KHDRBS2: variants seen among roughly 807,000 people sequenced by gnomAD.
KHDRBS2 encodes the protein KH RNA binding domain containing, signal transduction associated 2.
In KHDRBS2, 26 loss-of-function variants were observed where a neutral mutation model predicts 44.3. The observed-to-expected ratio is 0.59, with a 90% CI of 0.43 to 0.81. The LOEUF (loss-of-function observed/expected upper bound fraction) is 0.81. Among genes scored for constraint, KHDRBS2 ranks in the 40% least tolerant of loss-of-function variants. KHDRBS2 has a pLI of 0.00. For synonymous variants in KHDRBS2, 194 were observed against 151.1 expected, an observed-to-expected ratio of 1.28 and a Z score of -2.08; for missense variants, 476 against 433.1, an observed-to-expected ratio of 1.10 and a Z score of -0.88.
chr6:62,051,342 A>G (rs1276670192), intron 2 of KHDRBS2, among the ~76,000 whole-genome samples: 3 of 152,068 alleles, frequency 2.0e-5, no homozygotes, highest in Admixed American at 6.6e-5. Flanking sequence ...TTCTGTTTTT[A>G]CATTTAGGTC....
At chr6:62,194,022 T>C (rs1825123877) in intron 1 of KHDRBS2, among the ~76,000 whole-genome samples, 2 of 152,168 alleles carry the variant, frequency 1.3e-5, no homozygotes. Flanking sequence ...CTATTCTGCA[T>C]GTTTTCTTTT....
At chr6:61,684,602 G>A (rs1055961730) in intron 8 of KHDRBS2, among the ~76,000 whole-genome samples, 9 of 151,714 alleles carry the variant, frequency 5.9e-5, no homozygotes, top group African/African-American at 2.2e-4. Flanking sequence ...GTGAAATTTA[G>A]AAATTTCTTT....
the KHDRBS2 span, among the ~76,000 whole-genome samples, chr6:61,577,126 A>AG: frequency 2.2e-4 from 19 of 87,006 alleles, no homozygotes; most frequent in Non-Finnish European, 3.6e-4. Context: ...TCTAACACTC[A>AG]GTTTTTGTTT....
At chr6:62,204,954 G>T (rs1216013127) in intron 1 of KHDRBS2, among the ~76,000 whole-genome samples, 1 of 152,154 alleles carries the variant, frequency 6.6e-6, no homozygotes, top group Non-Finnish European at 1.5e-5. Context: ...AACAGCCTCA[G>T]AGGACAGAAA....
At chr6:61,695,038 G>T (rs150203879) in intron 8 of KHDRBS2, among the ~76,000 whole-genome samples, 79 of 152,138 alleles carry the variant, frequency 5.2e-4, no homozygotes, top group African/African-American at 1.4e-3. Flanking sequence ...TAGTATAAAA[G>T]ATCTCCTTCC....
chr6:61,760,084 T>TA (rs774065849), intron 6 of KHDRBS2, among the ~76,000 whole-genome samples: 2 of 152,198 alleles, frequency 1.3e-5, no homozygotes, highest in Non-Finnish European at 2.9e-5. Context: ...GAACCTCATC[T>TA]AAAAAAATGA....
the KHDRBS2 span, among the ~76,000 whole-genome samples, chr6:61,618,179 T>C: frequency 2.0e-5 from 3 of 152,148 alleles, no homozygotes; most frequent in East Asian, 1.9e-4. Context: ...AATCAACAAA[T>C]AGAGACTCTA....
chr6:61,805,021 A>C (rs369297620), intron 6 of KHDRBS2, among the ~76,000 whole-genome samples: 1 of 152,164 alleles, frequency 6.6e-6, no homozygotes, highest in East Asian at 1.9e-4. Flanking sequence ...TTGCATCATC[A>C]GGCTGCACAT....
the KHDRBS2 span, among the ~76,000 whole-genome samples, chr6:61,566,172 T>G: frequency 6.6e-6 from 1 of 152,038 alleles, no homozygotes; most frequent in Non-Finnish European, 1.5e-5. Context: ...CACTAACATG[T>G]GGGAGCTAAA....
chr6:61,629,917 C>A, the KHDRBS2 span, among the ~76,000 whole-genome samples: 2 of 152,158 alleles, frequency 1.3e-5, no homozygotes, highest in Non-Finnish European at 2.9e-5. Context: ...TCAGATCTTG[C>A]TTTGTCAAAT....
intron 4 of KHDRBS2, among the ~76,000 whole-genome samples, chr6:61,905,674 A>C (rs1804846299): frequency 6.6e-6 from 1 of 152,088 alleles, no homozygotes; most frequent in African/African-American, 2.4e-5. Flanking sequence ...TTTTAATGCA[A>C]ATTTATATCA....
At chr6:62,177,540 G>C (rs925511020) in intron 1 of KHDRBS2, among the ~76,000 whole-genome samples, 4 of 103,470 alleles carry the variant, frequency 3.9e-5, no homozygotes, top group African/African-American at 1.2e-4. Flanking sequence ...GATAATTGAA[G>C]ATGTGACTGT....
chr6:61,707,210 G>A (rs1769737273), intron 7 of KHDRBS2, among the ~76,000 whole-genome samples: 1 of 151,826 alleles, frequency 6.6e-6, no homozygotes, highest in South Asian at 2.1e-4. Flanking sequence ...GGAATGGCAA[G>A]AGCCAGAGTG....
intron 2 of KHDRBS2, among the ~76,000 whole-genome samples, chr6:62,129,311 C>T (rs1305768522): frequency 2.6e-5 from 4 of 152,008 alleles, no homozygotes; most frequent in African/African-American, 4.8e-5. Context: ...AGTGAACTGT[C>T]TAAACATTGT....
At chr6:61,834,413 C>T (rs1343884383) in intron 6 of KHDRBS2, among the ~76,000 whole-genome samples, 1 of 152,040 alleles carries the variant, frequency 6.6e-6, no homozygotes, top group African/African-American at 2.4e-5. Context: ...AATCACTTAG[C>T]ATTGTAAAAC....
At chr6:61,872,536 T>G (rs372400604) in intron 6 of KHDRBS2, among the ~76,000 whole-genome samples, 11 of 152,092 alleles carry the variant, frequency 7.2e-5, no homozygotes, top group African/African-American at 2.7e-4. Flanking sequence ...AACATAAATA[T>G]AGGACACCTA....
chr6:61,983,209 TTTC>T (rs1432028151), intron 3 of KHDRBS2, among the ~76,000 whole-genome samples: 147 of 10,556 alleles, frequency 0.014, 5 homozygotes, highest in African/African-American at 0.066. Context: ...ATTTTCTTTC[TTTC>T]TTTCTTTCTT....
intron 2 of KHDRBS2, among the ~76,000 whole-genome samples, chr6:62,155,067 A>T (rs1309462700): frequency 6.6e-6 from 1 of 152,214 alleles, no homozygotes; most frequent in Non-Finnish European, 1.5e-5. Context: ...AGGCTGTAGC[A>T]GAAATGTATA....
At chr6:61,593,324 G>T in the KHDRBS2 span, among the ~76,000 whole-genome samples, 1 of 152,118 alleles carries the variant, frequency 6.6e-6, no homozygotes, top group Non-Finnish European at 1.5e-5. Context: ...AGAAGGGTAG[G>T]AGAAAAGTTG....
Sources: allele counts gnomAD v4.1 joint callset (sites outside exome capture counted in the v4.1 genomes callset), GRCh38; gene constraint gnomAD v4.1.1; transcripts MANE v1.5; gene names NCBI Gene and HGNC (gene_info 2026-07-23, HGNC 2026-07-21).